Variants in CTDSPL2 observed in about 807,000 individuals in gnomAD.
The protein encoded by CTDSPL2 is CTD small phosphatase like 2.
In CTDSPL2, 5 loss-of-function variants were observed where a neutral mutation model predicts 60.0. That is an observed-to-expected ratio of 0.08 (90% CI 0.04 to 0.18). The LOEUF (loss-of-function observed/expected upper bound fraction) is 0.18. Among genes scored for constraint, CTDSPL2 ranks in the 10% least tolerant of loss-of-function variants. The pLI is 1.00. For synonymous variants in CTDSPL2, 186 were observed against 189.3 expected, an observed-to-expected ratio of 0.98 and a Z score of 0.14; for missense variants, 370 against 548.8, an observed-to-expected ratio of 0.67 and a Z score of 3.26.
At position 44,460,507 on chromosome 15, in the gene CTDSPL2, A is replaced by G. The variant is rs183599335; in HGVS notation, c.186+1307A>G. On this transcript the variant is annotated intron_variant, in intron 2 of 12. Transcript: ENST00000260327. ...CTATTTTTGTGTTCTTAGAATAATT[A>G]TTTATATGGTAAATTTTTCATTATA... 4.5e-3 allele frequency among the ~76,000 whole-genome samples: 681 copies of G among 152,232 alleles called. 4 individuals are homozygous for G. Among genetic ancestry groups the G allele is most frequent in the African/African-American group, 0.016 (647 of 41,544 alleles).
At chr15:44,463,283 A>G (rs1430860094) in intron 2 of CTDSPL2, among the ~76,000 whole-genome samples, 5 of 152,002 alleles carry the variant, frequency 3.3e-5, no homozygotes, top group Non-Finnish European at 7.4e-5. Context: ...CTGGGACTAC[A>G]GGCGCCTGCC....
At chr15:44,454,844 T>A (rs1209393367) in intron 1 of CTDSPL2, among the ~76,000 whole-genome samples, 1 of 152,230 alleles carries the variant, frequency 6.6e-6, no homozygotes, top group Non-Finnish European at 1.5e-5. Flanking sequence ...GTAGTATAGT[T>A]TGAAGTCAGG....
chr15:44,522,040 T>G (rs1323889966), intron 12 of CTDSPL2, among the ~76,000 whole-genome samples: 3 of 151,946 alleles, frequency 2.0e-5, no homozygotes, highest in Non-Finnish European at 4.4e-5. Flanking sequence ...ATGTGCATTT[T>G]CAAACTTTTT....
At chr15:44,477,103 C>G (rs1371667118) in intron 2 of CTDSPL2, among the ~76,000 whole-genome samples, 1 of 152,208 alleles carries the variant, frequency 6.6e-6, no homozygotes, top group Non-Finnish European at 1.5e-5. Flanking sequence ...GTGCTGCACA[C>G]CTGTAGTCCC....
chr15:44,449,290 C>CT (rs1169549824), intron 1 of CTDSPL2: 18 of 205,582 alleles, frequency 8.8e-5, no homozygotes, highest in East Asian at 7.4e-4. Context: ...ACCTGAATAG[C>CT]TTTTTTTATG....
rs187965580 is a variant in CTDSPL2, at chr15:44,468,162, G to A, written c.186+8962G>A. On this transcript the variant is annotated intron_variant, in intron 2 of 12. Coordinates refer to ENST00000260327, the MANE Select transcript of CTDSPL2 (RefSeq NM_016396.3). ...TTGGCAGAATTCACTGTTGAATTCT[G>A]GAGTGGGATTTCTAAAATGTAACTG... Among the ~76,000 whole-genome samples, 763 of 152,176 alleles carry A rather than the reference G, an allele frequency of 5.0e-3. 10 individuals carry two copies. Among genetic ancestry groups the A allele is most frequent in the African/African-American group, 0.018 (729 of 41,534 alleles).
chr15:44,513,284 G>A (rs1460604100), intron 8 of CTDSPL2, among the ~76,000 whole-genome samples: 1 of 151,862 alleles, frequency 6.6e-6, no homozygotes, highest in Non-Finnish European at 1.5e-5. Context: ...TGCCCAACAT[G>A]GCGAAACCCC....
In CTDSPL2 at chr15:44,524,374, T is replaced by C. The variant is rs1308523632; in HGVS notation, c.*200T>C. 1.8e-6 allele frequency: 1 copy of C among 550,882 alleles called. No individual in the cohort carries two copies. Among genetic ancestry groups the C allele is most frequent in the Non-Finnish European group, 3.2e-6 (1 of 309,906 alleles). The allele number at this position is 550,882 out of a possible 1,614,324, so 34.1% of individuals were successfully genotyped here. A position where few individuals can be genotyped will look rare whatever the true frequency, so the allele number is the denominator to read the frequency against. On this transcript the variant is annotated 3_prime_UTR_variant, in exon 13 of 13. Coordinates refer to ENST00000260327, the MANE Select transcript of CTDSPL2 (RefSeq NM_016396.3). ...GATCGAATACATATAGTAGGTAGGC[T>C]AAAACAGAAGAGTCTTTAGAACTAG...
intron 2 of CTDSPL2, among the ~76,000 whole-genome samples, chr15:44,473,850 A>C (rs2080859752): frequency 6.6e-6 from 1 of 152,168 alleles, no homozygotes. Flanking sequence ...TGATATTGTA[A>C]GTCTTTTTAA....
At position 44,464,959 on chromosome 15, in the gene CTDSPL2, G is replaced by A. The variant is rs1000403497; in HGVS notation, c.186+5759G>A. 2.0e-5 allele frequency among the ~76,000 whole-genome samples: 3 copies of A among 152,116 alleles called. No homozygotes were observed. The East Asian group carries it at 5.8e-4, about 29-fold the overall frequency. ...GACCTTAAGTGATCTGCCTGCCTCGGCCTCCCAAAGTGCTGGGATTACAGG... is the reference window on the plus strand; with the variant it reads ...GACCTTAAGTGATCTGCCTGCCTCGACCTCCCAAAGTGCTGGGATTACAGG... On this transcript the variant is annotated intron_variant, in intron 2 of 12. Transcript: ENST00000260327.
chr15:44,471,838 T>C (rs1332350033), intron 2 of CTDSPL2, among the ~76,000 whole-genome samples: 1 of 152,286 alleles, frequency 6.6e-6, no homozygotes, highest in African/African-American at 2.4e-5. Context: ...TGCTATATTT[T>C]GGACATTTCA....
chr15:44,489,904 T>C (rs1167218611), intron 4 of CTDSPL2, among the ~76,000 whole-genome samples: 1 of 152,040 alleles, frequency 6.6e-6, no homozygotes, highest in African/African-American at 2.4e-5. Flanking sequence ...ATAGTAGCAA[T>C]GGAGATAAAT....
At chr15:44,450,743 C>T (rs2080318939) in intron 1 of CTDSPL2, among the ~76,000 whole-genome samples, 4 of 151,420 alleles carry the variant, frequency 2.6e-5, no homozygotes, top group Admixed American at 2.6e-4. Context: ...TTACAGGCGC[C>T]TGCCACCATG....
intron 2 of CTDSPL2, among the ~76,000 whole-genome samples, chr15:44,477,967 G>A (rs1488845033): frequency 6.6e-6 from 1 of 152,042 alleles, no homozygotes; most frequent in African/African-American, 2.4e-5. Flanking sequence ...ACTTTATTTA[G>A]TATGTGTTTC....
At chr15:44,496,972 G>A (rs1441241489) in intron 6 of CTDSPL2, 55 bp from the exon 7 acceptor site, 10 of 998,550 alleles carry the variant, frequency 1.0e-5, no homozygotes, top group Non-Finnish European at 1.6e-5. Context: ...GCTTAGTAAT[G>A]TTCTATATGT....
intron 2 of CTDSPL2, among the ~76,000 whole-genome samples, chr15:44,474,691 A>G (rs1202159671): frequency 6.6e-6 from 1 of 151,970 alleles, no homozygotes; most frequent in Non-Finnish European, 1.5e-5. Context: ...CTCCATCTCT[A>G]CTAAAAATAT....
chr15:44,523,444 A>G (rs1005917463), intron 12 of CTDSPL2, among the ~76,000 whole-genome samples: 1 of 134,884 alleles, frequency 7.4e-6, no homozygotes, highest in African/African-American at 2.7e-5. Flanking sequence ...ACATACATAC[A>G]TAAGCAAGCA....
chr15:44,518,980 C>T (rs2081708449), intron 10 of CTDSPL2, 189 bp from the exon 11 acceptor site: 1 of 357,342 alleles, frequency 2.8e-6, no homozygotes, highest in African/African-American at 2.1e-5. Context: ...TGTAAGCTTT[C>T]AGTAATTGCT....
intron 1 of CTDSPL2, among the ~76,000 whole-genome samples, chr15:44,432,912 G>A (rs1158705095): frequency 5.9e-5 from 9 of 151,962 alleles, no homozygotes; most frequent in East Asian, 1.9e-4. Flanking sequence ...GTGAGCCACC[G>A]CACCTGGCCG....
Sources: allele counts gnomAD v4.1 joint callset (sites outside exome capture counted in the v4.1 genomes callset), GRCh38; gene constraint gnomAD v4.1.1; transcripts MANE v1.5; gene names NCBI Gene and HGNC (gene_info 2026-07-23, HGNC 2026-07-21).